The following CDH10 variants were observed in gnomAD, a reference collection of about 807,000 sequenced individuals.
CDH10 encodes cadherin-10.
Under a neutral mutation model 73.1 loss-of-function variants are expected in CDH10, and 30 were observed. That is an observed-to-expected ratio of 0.41 (90% CI 0.31 to 0.56). The LOEUF (loss-of-function observed/expected upper bound fraction) is 0.56. Among genes scored for constraint, CDH10 ranks in the 20% least tolerant of loss-of-function variants. The probability of loss-of-function intolerance (pLI) is 0.27; values close to 1 mark genes in which losing one functional copy is unlikely to be tolerated. For missense variants in CDH10, 815 were observed against 973.7 expected, an observed-to-expected ratio of 0.84 and a Z score of 2.17; for synonymous variants, 345 against 348.2, an observed-to-expected ratio of 0.99 and a Z score of 0.10.
chr5:24,597,404 T>C (rs1746406606), intron 1 of CDH10, among the ~76,000 whole-genome samples: 1 of 152,124 alleles, frequency 6.6e-6, no homozygotes, highest in African/African-American at 2.4e-5. Flanking sequence ...TTTATAACTT[T>C]TTCCTATTTA....
intron 11 of CDH10, among the ~76,000 whole-genome samples, chr5:24,490,306 T>G (rs1235074724): frequency 1.3e-5 from 2 of 152,116 alleles, no homozygotes; most frequent in African/African-American, 4.8e-5. Flanking sequence ...GTACTAATGG[T>G]AAGTCAAATT....
At chr5:24,533,267 C>CA (rs1743814559) in intron 5 of CDH10, among the ~76,000 whole-genome samples, 1 of 151,750 alleles carries the variant, frequency 6.6e-6, no homozygotes, top group Admixed American at 6.6e-5. Flanking sequence ...GTGGAGGTTG[C>CA]AGTGAGCCAA....
intron 1 of CDH10, among the ~76,000 whole-genome samples, chr5:24,595,852 G>A (rs958669694): frequency 2.0e-5 from 3 of 151,876 alleles, no homozygotes; most frequent in African/African-American, 7.2e-5. Context: ...ACTCACCAAT[G>A]TTTTGGAAAA....
At chr5:24,604,898 A>AC (rs1746703240) in intron 1 of CDH10, among the ~76,000 whole-genome samples, 2 of 147,588 alleles carry the variant, frequency 1.4e-5, no homozygotes, top group African/African-American at 2.6e-5. Flanking sequence ...AAAAAAAACA[A>AC]AAACAAACAA....
chr5:24,533,050 C>T (rs1251984587), intron 5 of CDH10, among the ~76,000 whole-genome samples: 1 of 151,906 alleles, frequency 6.6e-6, no homozygotes, highest in Non-Finnish European at 1.5e-5. Flanking sequence ...ATATTCATAA[C>T]AAAAAAGATA....
chr5:24,535,721 A>T lies in CDH10; in HGVS notation c.628T>A (p.Ser210Thr), dbSNP rs1406741081. The stretch of plus-strand genomic sequence containing the variant: ...TCCTGACCTGTTTCAGGCTCCACAG[A>T]GAAATAGGGCTGCCCTTGAAGTATG... ...YSILQGQPYF[S>T]VEPETGIIRT... Residue 210 changes from serine to threonine, a missense_variant, in exon 4 of 12, where the codon TCT (serine) becomes ACT (threonine). Around this residue, in one of 3 missense-constraint regions of CDH10, gnomAD observed 516 missense variants for 636.6 expected, o/e 0.81. Coordinates refer to ENST00000264463, the MANE Select transcript of CDH10 (RefSeq NM_006727.5). 4.3e-6 allele frequency: 7 copies of T among 1,611,332 alleles called. No homozygotes were observed. The South Asian group carries it at 7.7e-5, about 18-fold the overall frequency.
intron 8 of CDH10, among the ~76,000 whole-genome samples, chr5:24,501,926 CTT>C (rs35042550): frequency 6.9e-6 from 1 of 144,332 alleles, no homozygotes. Context: ...TCCACATGGC[CTT>C]TTTTTTTTTA....
At position 24,509,640 on chromosome 5, in the gene CDH10, A is replaced by C. The variant is rs151317371; in HGVS notation, c.1182T>G (p.His394Gln). 1.3e-3 allele frequency: 2,032 copies of C among 1,613,582 alleles called. 5 individuals are homozygous for C. The highest frequency in any genetic ancestry group is 1.6e-3 in the Non-Finnish European group (1,865 of 1,179,510). Reference protein sequence around the residue: ...FSRSSYLFEVHEDIEVGTIIG... With the variant: ...FSRSSYLFEVQEDIEVGTIIG... ...TGATTGTGCCCACTTCAATATCTTC[A>C]TGAACTTCAAACAGATAGGAGGACC... Residue 394 changes from histidine to glutamine, a missense_variant, in exon 7 of 12, where the codon CAT (histidine) becomes CAG (glutamine). His to Gln is a conservative substitution (Grantham distance 24). Around this residue, in one of 3 missense-constraint regions of CDH10, gnomAD observed 516 missense variants for 636.6 expected, o/e 0.81. Transcript: ENST00000264463.
In CDH10 at chr5:24,593,522, G is replaced by T; in HGVS notation, c.-32C>A. 1 of 1,222,826 alleles carries T rather than the reference G, an allele frequency of 8.2e-7. No homozygotes were observed. Among genetic ancestry groups the T allele is most frequent in the Non-Finnish European group, 1.2e-6 (1 of 826,738 alleles). 75.7% of individuals were successfully genotyped at this position (1,222,826 alleles called of 1,614,324 possible). A position where few individuals can be genotyped will look rare whatever the true frequency, so the allele number is the denominator to read the frequency against. On this transcript the variant is annotated 5_prime_UTR_variant, in exon 2 of 12. Transcript: ENST00000264463. ...CTTCTTGACAAATCCCAGTGTAGAT[G>T]AAGAGAAGTGGTCCTATTTTACCCA...
intron 5 of CDH10, among the ~76,000 whole-genome samples, chr5:24,513,423 G>A (rs1316841603): frequency 6.6e-6 from 1 of 152,068 alleles, no homozygotes; most frequent in Admixed American, 6.5e-5. Flanking sequence ...ACTGTTCAAA[G>A]CTGACTGTTT....
chr5:24,624,617 T>C (rs1044492797), intron 1 of CDH10, among the ~76,000 whole-genome samples: 5 of 152,144 alleles, frequency 3.3e-5, no homozygotes, highest in African/African-American at 1.2e-4. Context: ...ATTTTGTAGT[T>C]TCATTTCTGA....
At chr5:24,575,463 T>A (rs1472083047) in intron 2 of CDH10, among the ~76,000 whole-genome samples, 2 of 152,070 alleles carry the variant, frequency 1.3e-5, no homozygotes, top group Non-Finnish European at 1.5e-5. Flanking sequence ...TTAAGATACT[T>A]TACCTAAAAA....
chr5:24,541,553 C>A (rs979796609), intron 2 of CDH10, among the ~76,000 whole-genome samples: 2 of 151,952 alleles, frequency 1.3e-5, no homozygotes, highest in African/African-American at 4.8e-5. Flanking sequence ...AAGTTGGGAT[C>A]AATGGGTCAC....
intron 1 of CDH10, among the ~76,000 whole-genome samples, chr5:24,597,728 A>C (rs1746420621): frequency 6.6e-6 from 1 of 151,972 alleles, no homozygotes; most frequent in African/African-American, 2.4e-5. Context: ...TATTTTCTCT[A>C]TAACCTGTTA....
Position 24,595,135 on chromosome 5 carries a change from T to C in CDH10, c.-123-1522A>G, listed in dbSNP as rs541238946. 2.0e-5 allele frequency among the ~76,000 whole-genome samples: 3 copies of C among 151,850 alleles called. No homozygotes were observed. In the South Asian group the frequency reaches 6.2e-4, roughly 32 times the overall value. ...TGTGTGTGTGTGTGTGTCTATTGTC[T>C]TTTGTTTCCTAATATGTATGGATTT... is the stretch of plus-strand genomic sequence containing the variant. On this transcript the variant is annotated intron_variant, in intron 1 of 11. Transcript: ENST00000264463.
chr5:24,639,176 T>G (rs1747961069), intron 1 of CDH10, among the ~76,000 whole-genome samples: 1 of 151,626 alleles, frequency 6.6e-6, no homozygotes, highest in African/African-American at 2.4e-5. Flanking sequence ...TTTGGAAACA[T>G]TATGGTGCCT....
At position 24,498,524 on chromosome 5, in the gene CDH10, A is replaced by G. The variant is rs2111685893; in HGVS notation, c.1394-5T>C. ...GTGTTGTCTCTTTGGGATTGTCTGG[A>G]AAAGGGGAAGAAAAATATTGTTTAG... is the stretch of plus-strand genomic sequence containing the variant. On this transcript the variant is annotated splice_region_variant and splice_polypyrimidine_tract_variant and intron_variant, in intron 8 of 11. Coordinates refer to ENST00000264463, the MANE Select transcript of CDH10 (RefSeq NM_006727.5). The G allele has an allele frequency of 6.3e-7, 1 of 1,594,156 alleles. No homozygotes were observed. The highest frequency in any genetic ancestry group is 8.6e-7 in the Non-Finnish European group (1 of 1,165,122).
At chr5:24,516,423 C>T (rs6864554) in intron 5 of CDH10, among the ~76,000 whole-genome samples, 72,250 of 151,436 alleles carry the variant, frequency 0.48, 17,297 homozygotes, top group East Asian at 0.58. Context: ...TAGCATCAAT[C>T]AGTGATCTTA....
chr5:24,593,855 CT>C (rs991060200), intron 1 of CDH10, among the ~76,000 whole-genome samples: 6 of 151,482 alleles, frequency 4.0e-5, no homozygotes, highest in Admixed American at 1.3e-4. Context: ...CATTATTAGG[CT>C]TTTTTTTCTT....
Sources: allele counts gnomAD v4.1 joint callset (sites outside exome capture counted in the v4.1 genomes callset), GRCh38; gene constraint gnomAD v4.1.1; regional missense constraint gnomAD v4.1.1; transcripts MANE v1.5; gene names NCBI Gene and HGNC (gene_info 2026-07-23, HGNC 2026-07-21).